The following FBXL17 variants were observed in gnomAD, a reference collection of about 807,000 sequenced individuals.
FBXL17 encodes the protein F-box/LRR-repeat protein 17.
In FBXL17, 22 loss-of-function variants were observed where a neutral mutation model predicts 66.2. The observed-to-expected ratio is 0.33, with a 90% CI of 0.24 to 0.47. The LOEUF is 0.47. Among genes scored for constraint, FBXL17 ranks in the 20% least tolerant of loss-of-function variants. The probability of loss-of-function intolerance (pLI) is 1.00; values close to 1 mark genes in which losing one functional copy is unlikely to be tolerated. For missense variants in FBXL17, 878 were observed against 948.2 expected, an observed-to-expected ratio of 0.93 and a Z score of 0.97; for synonymous variants, 474 against 400.5, an observed-to-expected ratio of 1.18 and a Z score of -2.19.
chr5:108,156,210 T>C (rs1328748438), intron 6 of FBXL17, among the ~76,000 whole-genome samples: 1 of 152,096 alleles, frequency 6.6e-6, no homozygotes, highest in Non-Finnish European at 1.5e-5. Flanking sequence ...TTCATACATA[T>C]GATAAGAGAT....
At chr5:108,101,110 T>A (rs1274862467) in intron 6 of FBXL17, among the ~76,000 whole-genome samples, 1 of 152,098 alleles carries the variant, frequency 6.6e-6, no homozygotes, top group Non-Finnish European at 1.5e-5. Flanking sequence ...AATAAAAGAG[T>A]AGAGCTATGC....
intron 6 of FBXL17, among the ~76,000 whole-genome samples, chr5:108,039,467 T>C (rs1200601686): frequency 1.3e-5 from 2 of 152,050 alleles, no homozygotes; most frequent in African/African-American, 4.8e-5. Context: ...TTCTGCCTAC[T>C]TAACAAAAGA....
At chr5:107,957,892 T>C (rs1450741608) in intron 7 of FBXL17, among the ~76,000 whole-genome samples, 1 of 152,206 alleles carries the variant, frequency 6.6e-6, no homozygotes, top group African/African-American at 2.4e-5. Flanking sequence ...AGTTTTAAGA[T>C]GACCTGGTCA....
chr5:108,255,639 T>A (rs1250890982), intron 4 of FBXL17, among the ~76,000 whole-genome samples: 1 of 152,138 alleles, frequency 6.6e-6, no homozygotes, highest in Non-Finnish European at 1.5e-5. Flanking sequence ...ATCCATGACA[T>A]GATCTAGTTT....
chr5:107,918,313 G>A (rs1342227870), intron 7 of FBXL17, among the ~76,000 whole-genome samples: 1 of 152,206 alleles, frequency 6.6e-6, no homozygotes, highest in African/African-American at 2.4e-5. Flanking sequence ...TTGGACAGTC[G>A]TAACCCAGTC....
rs564261468 is a variant in FBXL17 at position 107,942,106 on chromosome 5, G to A, written c.1823-60927C>T. 1.5e-3 allele frequency among the ~76,000 whole-genome samples: 231 copies of A among 152,278 alleles called. 1 individual carries two copies. The highest frequency in any genetic ancestry group is 5.0e-3 in the African/African-American group (207 of 41,550). On this transcript the variant is annotated intron_variant, in intron 7 of 8. Transcript: ENST00000542267. Reference sequence around the variant, plus strand: ...TGTAGAGCTTCTACCTCTCAGCACAGGGCTGAGGGCGTACACAGCTGGATG... The same window carrying A: ...TGTAGAGCTTCTACCTCTCAGCACAAGGCTGAGGGCGTACACAGCTGGATG...
chr5:108,346,415 T>C (rs879295853), intron 4 of FBXL17, among the ~76,000 whole-genome samples: 6 of 152,074 alleles, frequency 3.9e-5, no homozygotes, highest in Non-Finnish European at 7.4e-5. Context: ...AAAAAACTAA[T>C]GTGAACATAA....
intron 7 of FBXL17, among the ~76,000 whole-genome samples, chr5:107,973,179 G>A (rs1752438610): frequency 6.8e-6 from 1 of 148,054 alleles, no homozygotes. Flanking sequence ...TGTAGTCCTG[G>A]CCACAGAAGA....
chr5:108,051,050 C>G (rs1322675285), intron 6 of FBXL17, among the ~76,000 whole-genome samples: 2 of 152,146 alleles, frequency 1.3e-5, no homozygotes, highest in African/African-American at 4.8e-5. Flanking sequence ...GAAGCTGAAT[C>G]CCTGAATAGA....
At chr5:108,042,691 C>T (rs1747098046) in intron 6 of FBXL17, among the ~76,000 whole-genome samples, 2 of 152,208 alleles carry the variant, frequency 1.3e-5, no homozygotes, top group Non-Finnish European at 2.9e-5. Flanking sequence ...CAGGTTTTGG[C>T]TATTTTGAAT....
intron 7 of FBXL17, among the ~76,000 whole-genome samples, chr5:107,946,598 C>T (rs1751306596): frequency 6.6e-6 from 1 of 151,828 alleles, no homozygotes; most frequent in Admixed American, 6.6e-5. Flanking sequence ...TGGGCCACAG[C>T]TTCCAGCTAA....
At chr5:108,335,718 AT>A in intron 4 of FBXL17, among the ~76,000 whole-genome samples, 3 of 152,186 alleles carry the variant, frequency 2.0e-5, no homozygotes, top group African/African-American at 7.2e-5. Flanking sequence ...CTGATCAGCA[AT>A]TAGCATAATT....
intron 7 of FBXL17, among the ~76,000 whole-genome samples, chr5:107,999,870 G>A (rs1232016610): frequency 6.6e-6 from 1 of 152,152 alleles, no homozygotes; most frequent in African/African-American, 2.4e-5. Context: ...AAGTGGAGAT[G>A]CATTCATATA....
rs1045907880 is a variant in FBXL17, at chr5:108,023,494, G to T, written c.1746-2493C>A. 2.6e-5 allele frequency among the ~76,000 whole-genome samples: 4 copies of T among 152,106 alleles called. No homozygotes were observed. The South Asian group carries it at 8.3e-4, about 31-fold the overall frequency. On this transcript the variant is annotated intron_variant, in intron 6 of 8. Coordinates refer to ENST00000542267, the MANE Select transcript of FBXL17 (RefSeq NM_001163315.3). ...GAACACCACCTCATGTTCCCGGCTAGTGTCTAAAGTCTCGTAATCCACCTA... is the reference window on the plus strand; with the variant it reads ...GAACACCACCTCATGTTCCCGGCTATTGTCTAAAGTCTCGTAATCCACCTA...
chr5:108,354,952 A>T (rs1053416938), intron 3 of FBXL17, among the ~76,000 whole-genome samples: 1 of 152,080 alleles, frequency 6.6e-6, no homozygotes, highest in South Asian at 2.1e-4. Flanking sequence ...AAGGAGAAAT[A>T]AAGACTTTGT....
intron 6 of FBXL17, among the ~76,000 whole-genome samples, chr5:108,077,492 A>C (rs1748596960): frequency 6.6e-6 from 1 of 152,008 alleles, no homozygotes; most frequent in Non-Finnish European, 1.5e-5. Context: ...ATGAAACCCC[A>C]TCTCTACAAA....
chr5:107,900,345 A>G (rs1749531774), intron 7 of FBXL17, among the ~76,000 whole-genome samples: 2 of 152,162 alleles, frequency 1.3e-5, no homozygotes, highest in African/African-American at 4.8e-5. Flanking sequence ...TTTTCAGGTC[A>G]AGAGAGATGT....
chr5:108,296,839 A>T (rs1460344273), intron 4 of FBXL17, among the ~76,000 whole-genome samples: 1 of 151,642 alleles, frequency 6.6e-6, no homozygotes, highest in African/African-American at 2.4e-5. Flanking sequence ...AAAATAACAC[A>T]TTCAATATGA....
intron 7 of FBXL17, among the ~76,000 whole-genome samples, chr5:107,907,085 T>G (rs2112540940): frequency 6.6e-6 from 1 of 152,342 alleles, no homozygotes; most frequent in East Asian, 1.9e-4. Context: ...AATTCATTGA[T>G]GAATGGAGCA....
Sources: allele counts gnomAD v4.1 joint callset (sites outside exome capture counted in the v4.1 genomes callset), GRCh38; gene constraint gnomAD v4.1.1; transcripts MANE v1.5; gene names NCBI Gene and HGNC (gene_info 2026-07-23, HGNC 2026-07-21).